EPM2A: variants seen among roughly 807,000 people sequenced by gnomAD.
The protein encoded by EPM2A is laforin.
In EPM2A, 21 loss-of-function variants were observed where a neutral mutation model predicts 26.5. That is an observed-to-expected ratio of 0.79 (90% CI 0.56 to 1.14). EPM2A has a LOEUF of 1.14. EPM2A is among the 50% of genes most tolerant of loss of function. The pLI, the probability that EPM2A is intolerant of heterozygous loss-of-function variation, is 0.00. For synonymous variants in EPM2A, 217 were observed against 177.6 expected (o/e 1.22, Z -1.76); for missense variants, 458 against 440.8 (o/e 1.04, Z -0.35).
chr6:145,405,570 C>T (rs1166521471), intron 4 of EPM2A, among the ~76,000 whole-genome samples: 1 of 152,112 alleles, frequency 6.6e-6, no homozygotes, highest in Non-Finnish European at 1.5e-5. Context: ...AAGTTTTAAA[C>T]TCTCCTTTTC....
chr6:145,516,725 CAA>C (rs1780132616), intron 2 of EPM2A, among the ~76,000 whole-genome samples: 1 of 152,094 alleles, frequency 6.6e-6, no homozygotes, highest in Non-Finnish European at 1.5e-5. Flanking sequence ...GGATGAACCT[CAA>C]ATAGCTTTGA....
intron 2 of EPM2A, among the ~76,000 whole-genome samples, chr6:145,538,380 T>C (rs927499951): frequency 6.6e-6 from 1 of 152,010 alleles, no homozygotes; most frequent in Non-Finnish European, 1.5e-5. Context: ...CCTGAGCAAA[T>C]AGATTTTGGA....
At chr6:145,580,941 C>A (rs1781104454) in intron 2 of EPM2A, among the ~76,000 whole-genome samples, 1 of 152,062 alleles carries the variant, frequency 6.6e-6, no homozygotes. Flanking sequence ...AGTTTGATTC[C>A]ATGTCTTTGC....
chr6:145,443,205 C>T (rs1779088456), intron 4 of EPM2A, among the ~76,000 whole-genome samples: 1 of 152,170 alleles, frequency 6.6e-6, no homozygotes, highest in Admixed American at 6.5e-5. Context: ...ATTTCTTTGG[C>T]TATTCAGTCT....
chr6:145,597,811 G>A (rs1310698890), intron 2 of EPM2A, among the ~76,000 whole-genome samples: 2 of 152,136 alleles, frequency 1.3e-5, no homozygotes, highest in Admixed American at 6.5e-5. Context: ...ACTTATAAAT[G>A]AGAACATGCA....
chr6:145,606,394 T>C (rs1000827034), intron 2 of EPM2A, among the ~76,000 whole-genome samples: 3 of 152,082 alleles, frequency 2.0e-5, no homozygotes, highest in Admixed American at 2.0e-4. Context: ...AGCATGTATT[T>C]ACATTTTATA....
chr6:145,477,498 C>G (rs534151157), intron 4 of EPM2A, among the ~76,000 whole-genome samples: 1 of 151,704 alleles, frequency 6.6e-6, no homozygotes, highest in African/African-American at 2.4e-5. Context: ...AAACTACAGG[C>G]CATTATCTCT....
intron 4 of EPM2A, among the ~76,000 whole-genome samples, chr6:145,471,509 C>G (rs76802751): frequency 6.6e-6 from 1 of 151,940 alleles, no homozygotes; most frequent in Non-Finnish European, 1.5e-5. Context: ...GAGGCACTGA[C>G]GAGATAAAAA....
At chr6:145,668,530 TTA>T (rs1205972144) in intron 2 of EPM2A, among the ~76,000 whole-genome samples, 1 of 152,178 alleles carries the variant, frequency 6.6e-6, no homozygotes, top group Non-Finnish European at 1.5e-5. Context: ...GTATCCTTTT[TTA>T]TGTTTTGGTC....
intron 2 of EPM2A, among the ~76,000 whole-genome samples, chr6:145,591,273 A>T (rs907004874): frequency 6.6e-6 from 1 of 151,710 alleles, no homozygotes; most frequent in Admixed American, 6.6e-5. Flanking sequence ...CAAAATAAAT[A>T]AAAAAAACTA....
intron 1 of EPM2A, among the ~76,000 whole-genome samples, chr6:145,691,043 T>C (rs1447014499): frequency 4.0e-5 from 6 of 150,100 alleles, no homozygotes; most frequent in East Asian, 1.9e-4. Flanking sequence ...ATTTATGTCA[T>C]TGGAGTCTTG....
intron 2 of EPM2A, among the ~76,000 whole-genome samples, chr6:145,649,428 C>A (rs73577384): frequency 0.067 from 10,149 of 152,216 alleles, 1,135 homozygotes; most frequent in African/African-American, 0.23. Flanking sequence ...AGTTACTAAC[C>A]TATTATGAAT....
chr6:145,577,350 C>A (rs1781045710), intron 2 of EPM2A, among the ~76,000 whole-genome samples: 1 of 145,992 alleles, frequency 6.8e-6, no homozygotes, highest in African/African-American at 2.6e-5. Context: ...AAAAAAAAAA[C>A]TTTTCCATGA....
chr6:145,663,038 A>C (rs1391950763), intron 2 of EPM2A, among the ~76,000 whole-genome samples: 1 of 152,178 alleles, frequency 6.6e-6, no homozygotes, highest in Non-Finnish European at 1.5e-5. Flanking sequence ...TTAAGTTTCC[A>C]TAAAACTTAG....
At chr6:145,394,691 A>T (rs1778381847) in intron 4 of EPM2A, among the ~76,000 whole-genome samples, 1 of 152,056 alleles carries the variant, frequency 6.6e-6, no homozygotes, top group African/African-American at 2.4e-5. Context: ...CACACACATG[A>T]CTGTCTGGCA....
intron 2 of EPM2A, among the ~76,000 whole-genome samples, chr6:145,683,409 A>G (rs1263586779): frequency 6.7e-6 from 1 of 149,920 alleles, no homozygotes; most frequent in Non-Finnish European, 1.5e-5. Context: ...CATACATTTT[A>G]ATATATTACT....
chr6:145,477,935 A>C (rs1196236934), intron 4 of EPM2A, among the ~76,000 whole-genome samples: 1 of 151,936 alleles, frequency 6.6e-6, no homozygotes, highest in Non-Finnish European at 1.5e-5. Flanking sequence ...ATCTAGAGCA[A>C]TCAAAAAAGA....
At chr6:145,613,506 GATCCATCAAGAGGA>G (rs996287869) in intron 2 of EPM2A, among the ~76,000 whole-genome samples, 6 of 152,034 alleles carry the variant, frequency 3.9e-5, no homozygotes, top group Admixed American at 1.3e-4. Context: ...TCTTTGCCTA[GATCCATCAAGAGGA>G]ATCACTATGG....
intron 4 of EPM2A, among the ~76,000 whole-genome samples, chr6:145,447,623 T>C (rs1393643855): frequency 6.6e-6 from 1 of 152,078 alleles, no homozygotes; most frequent in African/African-American, 2.4e-5. Context: ...CACTGAACAA[T>C]AGAAACACTG....
Sources: allele counts gnomAD v4.1 joint callset (sites outside exome capture counted in the v4.1 genomes callset), GRCh38; gene constraint gnomAD v4.1.1; transcripts MANE v1.5; gene names NCBI Gene and HGNC (gene_info 2026-07-23, HGNC 2026-07-21).